Variants in MACROD2 observed in about 807,000 individuals in gnomAD.
MACROD2 encodes the protein ADP-ribose glycohydrolase MACROD2.
MACROD2 carries 36 observed loss-of-function variants against 70.4 expected under a neutral mutation model. The ratio of observed to expected loss-of-function variants is 0.51; its 90% CI spans 0.39 to 0.68. MACROD2 has a LOEUF of 0.68. Ranked by LOEUF, MACROD2 falls within the 30% of genes least tolerant of loss-of-function variation. The pLI, the probability that MACROD2 is intolerant of heterozygous loss-of-function variation, is 0.00. For missense variants in MACROD2, 496 were observed against 538.4 expected (o/e 0.92, Z 0.78); for synonymous variants, 172 against 178.8 (o/e 0.96, Z 0.30).
intron 5 of MACROD2, among the ~76,000 whole-genome samples, chr20:14,879,207 G>T (rs2073584135): frequency 6.6e-6 from 1 of 152,092 alleles, no homozygotes; most frequent in Non-Finnish European, 1.5e-5. Context: ...GAATAGTTTT[G>T]TTGTTTACAT....
chr20:15,555,847 AAAAAAAAG>A (rs1415368869), intron 8 of MACROD2, among the ~76,000 whole-genome samples: 10 of 147,176 alleles, frequency 6.8e-5, no homozygotes, highest in South Asian at 2.1e-4. Context: ...AAAAAAAAAA[AAAAAAAAG>A]GAAAAGAAAA....
intron 3 of MACROD2, among the ~76,000 whole-genome samples, chr20:14,306,456 T>C (rs2082521843): frequency 2.0e-5 from 3 of 152,136 alleles, no homozygotes; most frequent in Non-Finnish European, 2.9e-5. Context: ...AATAACATGA[T>C]TATACAGTCT....
At chr20:15,714,336 C>T (rs2050676399) in intron 8 of MACROD2, among the ~76,000 whole-genome samples, 1 of 152,214 alleles carries the variant, frequency 6.6e-6, no homozygotes, top group African/African-American at 2.4e-5. Flanking sequence ...GCCACTATCC[C>T]TTTCCTGCAT....
intron 13 of MACROD2, among the ~76,000 whole-genome samples, chr20:15,974,780 ACAGGCTG>A (rs1281020925): frequency 2.0e-5 from 3 of 152,156 alleles, no homozygotes; most frequent in Admixed American, 2.0e-4. Flanking sequence ...TAAAACAATT[ACAGGCTG>A]TTTTTTTAAC....
intron 2 of MACROD2, among the ~76,000 whole-genome samples, chr20:14,024,705 C>T (rs1263566317): frequency 1.3e-5 from 2 of 152,212 alleles, no homozygotes; most frequent in African/African-American, 4.8e-5. Flanking sequence ...ACCAGCCTTG[C>T]ATCACAGGGA....
chr20:14,812,191 T>C (rs1215565129), intron 5 of MACROD2, among the ~76,000 whole-genome samples: 1 of 152,048 alleles, frequency 6.6e-6, no homozygotes, highest in Non-Finnish European at 1.5e-5. Context: ...TGTTCATCAA[T>C]GTTGGACTGG....
At chr20:15,779,045 C>T (rs2051784321) in intron 8 of MACROD2, among the ~76,000 whole-genome samples, 1 of 152,026 alleles carries the variant, frequency 6.6e-6, no homozygotes, top group Non-Finnish European at 1.5e-5. Flanking sequence ...GTAGGAATCA[C>T]ACAGAGACTA....
chr20:15,040,182 G>T (rs1056841760), intron 5 of MACROD2, among the ~76,000 whole-genome samples: 1 of 152,082 alleles, frequency 6.6e-6, no homozygotes, highest in Non-Finnish European at 1.5e-5. Flanking sequence ...AGGTGTGGTG[G>T]CACATGCCTG....
At chr20:15,422,634 A>G (rs2046245198) in intron 6 of MACROD2, among the ~76,000 whole-genome samples, 1 of 152,208 alleles carries the variant, frequency 6.6e-6, no homozygotes, top group South Asian at 2.1e-4. Flanking sequence ...AATTCAAGAA[A>G]TGACAACAAT....
In MACROD2 at chr20:15,310,722, G is replaced by A. The variant is rs199695830; in HGVS notation, c.540+80661G>A. Among the ~76,000 whole-genome samples, 12 of 152,182 alleles carry A rather than the reference G, an allele frequency of 7.9e-5. No individual in the cohort carries two copies. In the East Asian group the frequency reaches 2.1e-3, roughly 27 times the overall value. On this transcript the variant is annotated intron_variant, in intron 6 of 17. Transcript: ENST00000684519. ...GATTCCAAGATCTTGCAGAAACAGA[G>A]AAGTCCTCAGATAAGGGAAAGGTGA...
chr20:15,879,577 A>G (rs1224865624), intron 9 of MACROD2, among the ~76,000 whole-genome samples: 1 of 152,164 alleles, frequency 6.6e-6, no homozygotes, highest in East Asian at 1.9e-4. Context: ...ATAAAAAGTT[A>G]TCTTTCAAAA....
At chr20:15,274,647 G>A (rs527704894) in intron 6 of MACROD2, among the ~76,000 whole-genome samples, 2 of 152,336 alleles carry the variant, frequency 1.3e-5, no homozygotes, top group South Asian at 2.1e-4. Flanking sequence ...CATTCATTCA[G>A]TAGGTATTCA....
At chr20:14,032,041 A>G (rs1335782881) in intron 2 of MACROD2, among the ~76,000 whole-genome samples, 1 of 152,064 alleles carries the variant, frequency 6.6e-6, no homozygotes, top group Non-Finnish European at 1.5e-5. Flanking sequence ...CTATTAATAT[A>G]TGTACTCATA....
intron 5 of MACROD2, among the ~76,000 whole-genome samples, chr20:14,772,337 G>A (rs970298345): frequency 4.6e-5 from 7 of 151,952 alleles, no homozygotes; most frequent in African/African-American, 1.7e-4. Context: ...TTTTCACACA[G>A]CTGATAAAGA....
intron 6 of MACROD2, among the ~76,000 whole-genome samples, chr20:15,308,888 C>T (rs6043198): frequency 0.33 from 50,788 of 151,982 alleles, 8,621 homozygotes; most frequent in Non-Finnish European, 0.35. Context: ...ACTGGCTTGA[C>T]TGGGCCTCCT....
chr20:15,073,615 T>G (rs770095604), intron 5 of MACROD2, among the ~76,000 whole-genome samples: 4 of 152,118 alleles, frequency 2.6e-5, no homozygotes, highest in Non-Finnish European at 4.4e-5. Context: ...TCTCCTTATG[T>G]GTAATCAATA....
At chr20:15,624,353 C>G (rs2049171844) in intron 8 of MACROD2, among the ~76,000 whole-genome samples, 1 of 152,190 alleles carries the variant, frequency 6.6e-6, no homozygotes, top group African/African-American at 2.4e-5. Context: ...ACTCCTCTAG[C>G]AACACCCTCA....
In MACROD2 at chr20:15,314,285, A is replaced by C. The variant is rs571457663; in HGVS notation, c.540+84224A>C. Among the ~76,000 whole-genome samples the C allele has an allele frequency of 3.3e-5, 5 of 152,278 alleles. No individual in the cohort carries two copies. The South Asian group carries it at 1.0e-3, about 32-fold the overall frequency. ...TGAATGCTTAATCGAAAAAGAAAAA[A>C]AAAAGGCAACTTTAAAAATGAGCGG... On this transcript the variant is annotated intron_variant, in intron 6 of 17. Coordinates refer to ENST00000684519, the MANE Select transcript of MACROD2 (RefSeq NM_001351661.2).
intron 5 of MACROD2, among the ~76,000 whole-genome samples, chr20:14,847,228 A>C (rs998370787): frequency 6.6e-6 from 1 of 152,168 alleles, no homozygotes; most frequent in African/African-American, 2.4e-5. Context: ...AGTGAACTCT[A>C]ATGAGTTTAG....
Sources: gnomAD v4.1 joint callset for allele counts (sites outside exome capture counted in the v4.1 genomes callset) on GRCh38, gnomAD v4.1.1 for gene constraint, MANE v1.5 for transcripts, NCBI Gene and HGNC (gene_info 2026-07-23, HGNC 2026-07-21) for gene names.